MEGF11: variants seen among roughly 807,000 people sequenced by gnomAD.
The protein encoded by MEGF11 is multiple EGF like domains 11.
MEGF11 carries 126 observed loss-of-function variants against 146.6 expected under a neutral mutation model. The observed-to-expected ratio is 0.86, with a 90% confidence interval of 0.74 to 1.00. The LOEUF is 1.00. Among genes scored for constraint, MEGF11 ranks in the 50% least tolerant of loss-of-function variants. The probability of loss-of-function intolerance (pLI) is 0.00; values close to 1 mark genes in which losing one functional copy is unlikely to be tolerated. For synonymous variants in MEGF11, 532 were observed against 583.4 expected (o/e 0.91, Z 1.27); for missense variants, 1,509 against 1,521.2 (o/e 0.99, Z 0.13).
Position 66,182,029 on chromosome 15 carries a change from C to T in MEGF11, c.-8-53618G>A, listed in dbSNP as rs2090562847. Among the ~76,000 whole-genome samples the T allele has an allele frequency of 2.0e-5, 3 of 152,316 alleles. No homozygotes were observed. In the South Asian group the frequency reaches 6.2e-4, roughly 32 times the overall value. Reference sequence around the variant, plus strand: ...AGAGTCTCATTAACAGTTGCTGAATCCCTCTGAAAAGTCATTGGGCGGCCC... The same window carrying T: ...AGAGTCTCATTAACAGTTGCTGAATTCCTCTGAAAAGTCATTGGGCGGCCC... On this transcript the variant is annotated intron_variant, in intron 1 of 25. Coordinates refer to ENST00000395614, the MANE Select transcript of MEGF11 (RefSeq NM_001385028.1).
chr15:66,163,684 C>A (rs575621261), intron 1 of MEGF11, among the ~76,000 whole-genome samples: 85 of 152,274 alleles, frequency 5.6e-4, no homozygotes, highest in African/African-American at 2.0e-3. Flanking sequence ...TTCTGCCACC[C>A]CTGAGGATTT....
chr15:66,157,257 C>A (rs2089793942), intron 1 of MEGF11, among the ~76,000 whole-genome samples: 1 of 152,226 alleles, frequency 6.6e-6, no homozygotes, highest in Admixed American at 6.5e-5. Flanking sequence ...TCCTCACTCC[C>A]AAGGGAGCCA....
intron 1 of MEGF11, among the ~76,000 whole-genome samples, chr15:66,205,313 G>A (rs913152022): frequency 2.0e-5 from 3 of 152,088 alleles, no homozygotes; most frequent in Admixed American, 6.6e-5. Flanking sequence ...ATGGTAGCAC[G>A]TACCTGGATA....
At chr15:66,022,847 CAAAAA>C (rs10579872) in intron 5 of MEGF11, among the ~76,000 whole-genome samples, 3 of 128,226 alleles carry the variant, frequency 2.3e-5, no homozygotes, top group Non-Finnish European at 3.2e-5. Flanking sequence ...GACCCTGTCT[CAAAAA>C]AAAAAAAAAA....
At chr15:65,914,896 G>A (rs913069461) in intron 19 of MEGF11, among the ~76,000 whole-genome samples, 1 of 152,140 alleles carries the variant, frequency 6.6e-6, no homozygotes, top group Non-Finnish European at 1.5e-5. Context: ...TCACTTATGG[G>A]CCAGGCACCC....
At position 65,895,324 on chromosome 15, in the gene MEGF11, TGTACAAG is replaced by T. The variant is rs1410283540; in HGVS notation, c.*2603_*2609del. The stretch of plus-strand genomic sequence containing the variant: ...TTAGTTTGAGAAATTTGTTTTATTT[TGTACAAG>T]GTACAATCCCTCTGCACAGTGAACA... On this transcript the variant is annotated 3_prime_UTR_variant, in exon 26 of 26. Coordinates refer to ENST00000395614, the MANE Select transcript of MEGF11 (RefSeq NM_001385028.1). The T allele has an allele frequency of 6.5e-6, 1 of 152,682 alleles. No homozygotes were observed. Among genetic ancestry groups the T allele is most frequent in the Admixed American group, 6.5e-5 (1 of 15,278 alleles). The allele number at this position is 152,682 out of a possible 1,614,324, so 9.5% of individuals were successfully genotyped here.
At chr15:66,017,549 C>T (rs186336974) in intron 5 of MEGF11, among the ~76,000 whole-genome samples, 13 of 152,282 alleles carry the variant, frequency 8.5e-5, no homozygotes, top group Non-Finnish European at 1.8e-4. Flanking sequence ...CGGAATCCTC[C>T]GGCCCTGCTG....
intron 1 of MEGF11, among the ~76,000 whole-genome samples, chr15:66,191,793 A>G (rs934174668): frequency 6.6e-6 from 1 of 152,148 alleles, no homozygotes. Flanking sequence ...AAGACCTACT[A>G]GGCGGGGCCC....
Position 65,965,025 on chromosome 15 carries a change from G to A in MEGF11, c.995C>T (p.Ala332Val). ...CTTGTAGCCAGGCTCACACTCGCAGGCACCCGTGGTGGGTGAACACTGCCC... is the reference window on the plus strand; with the variant it reads ...CTTGTAGCCAGGCTCACACTCGCAGACACCCGTGGTGGGTGAACACTGCCC... ...NGGQCSPTTGACECEPGYKGP... is the reference protein window; with the variant it reads ...NGGQCSPTTGVCECEPGYKGP... Residue 332 changes from alanine (A) to valine (V), a missense_variant, in exon 9 of 26, where the codon GCC (alanine) becomes GTC (valine). By Grantham distance (64) the Ala-to-Val change is moderately conservative (BLOSUM62 0). Coordinates refer to ENST00000395614, the MANE Select transcript of MEGF11 (RefSeq NM_001385028.1). 6.3e-7 allele frequency: 1 copy of A among 1,580,300 alleles called. No homozygotes were observed. Among genetic ancestry groups the A allele is most frequent in the South Asian group, 1.2e-5 (1 of 86,132 alleles).
chr15:65,974,523 C>A (rs1185779704), intron 7 of MEGF11, among the ~76,000 whole-genome samples: 1 of 152,136 alleles, frequency 6.6e-6, no homozygotes, highest in Non-Finnish European at 1.5e-5. Context: ...GGCGTGATGG[C>A]AGGTGCCTGT....
intron 1 of MEGF11, among the ~76,000 whole-genome samples, chr15:66,229,895 A>G (rs2091933657): frequency 6.6e-6 from 1 of 152,176 alleles, no homozygotes; most frequent in Non-Finnish European, 1.5e-5. Flanking sequence ...GTTACTCTGG[A>G]TCTATTTGTT....
chr15:66,155,288 A>C (rs2089717144), intron 1 of MEGF11, among the ~76,000 whole-genome samples: 1 of 152,198 alleles, frequency 6.6e-6, no homozygotes, highest in Non-Finnish European at 1.5e-5. Context: ...AAGGGCTCAG[A>C]GGCAAGACAG....
At chr15:66,003,682 C>T (rs1454236497) in intron 5 of MEGF11, among the ~76,000 whole-genome samples, 2 of 152,140 alleles carry the variant, frequency 1.3e-5, no homozygotes, top group East Asian at 1.9e-4. Context: ...AGGTCACTGC[C>T]CTGCCAAGAG....
intron 25 of MEGF11, 21 bp from the exon 26 acceptor site, chr15:65,898,115 T>C: frequency 6.2e-7 from 1 of 1,604,834 alleles, no homozygotes. Flanking sequence ...TAGTGAAAAA[T>C]GAGTTCAGAG....
rs10400820 is a variant in MEGF11 at position 65,977,630 on chromosome 15, G to A, written c.762+3148C>T. ...AATAGCTGGGATTACAGGTGCCCAC[G>A]ACCATGTCTGGCTGATTTTTTGTAT... is the stretch of plus-strand genomic sequence containing the variant. On this transcript the variant is annotated intron_variant, in intron 7 of 25. Transcript: ENST00000395614. Among the ~76,000 whole-genome samples the A allele has an allele frequency of 9.2e-3, 1,395 of 151,922 alleles. 20 individuals carry two copies. Among genetic ancestry groups the A allele is most frequent in the African/African-American group, 0.03 (1,248 of 41,436 alleles).
In MEGF11 at chr15:65,989,960, G is replaced by A. The variant is rs112713379; in HGVS notation, c.395-7472C>T. On this transcript the variant is annotated intron_variant, in intron 5 of 25. Transcript: ENST00000395614. ...TGTAATCCCAAAACTTTGGGAGGCCGAGGAAGGAGGATCACTGAGATTAGA... is the reference window on the plus strand; with the variant it reads ...TGTAATCCCAAAACTTTGGGAGGCCAAGGAAGGAGGATCACTGAGATTAGA... 4.2e-3 allele frequency among the ~76,000 whole-genome samples: 641 copies of A among 152,312 alleles called. 12 individuals are homozygous for A. The highest frequency in any genetic ancestry group is 0.014 in the African/African-American group (600 of 41,572).
At chr15:66,090,868 G>T (rs954332949) in intron 5 of MEGF11, among the ~76,000 whole-genome samples, 1 of 152,158 alleles carries the variant, frequency 6.6e-6, no homozygotes, top group African/African-American at 2.4e-5. Context: ...TCATATATTT[G>T]ATCTAAATAA....
intron 1 of MEGF11, among the ~76,000 whole-genome samples, chr15:66,132,565 G>C (rs2088691864): frequency 6.6e-6 from 1 of 152,152 alleles, no homozygotes; most frequent in African/African-American, 2.4e-5. Context: ...ACACTATTTT[G>C]TGGGCCCAGG....
intron 1 of MEGF11, among the ~76,000 whole-genome samples, chr15:66,219,948 C>T (rs1247822672): frequency 2.0e-5 from 3 of 152,090 alleles, no homozygotes; most frequent in African/African-American, 2.4e-5. Context: ...CATGTTCACC[C>T]GGAACCTCAG....
Sources: allele counts gnomAD v4.1 joint callset (sites outside exome capture counted in the v4.1 genomes callset), GRCh38; gene constraint gnomAD v4.1.1; transcripts MANE v1.5; gene names NCBI Gene and HGNC (gene_info 2026-07-23, HGNC 2026-07-21).